CPNE4: variants seen among roughly 807,000 people sequenced by gnomAD.
CPNE4 encodes the protein copine 4, also known as copine-4.
A neutral mutation model predicts 67.9 loss-of-function variants in CPNE4; 25 were observed. The observed-to-expected ratio is 0.37, with a 90% CI of 0.27 to 0.51. The LOEUF (loss-of-function observed/expected upper bound fraction) is 0.51, where lower values mean the gene tolerates loss of function less well. Ranked by LOEUF, CPNE4 falls within the 20% of genes least tolerant of loss-of-function variation. The pLI is 0.93. For missense variants in CPNE4, 464 were observed against 690.8 expected (o/e 0.67, Z 3.68); for synonymous variants, 242 against 244.9 (o/e 0.99, Z 0.11).
At chr3:131,754,724 C>T (rs1394646821) in intron 2 of CPNE4, among the ~76,000 whole-genome samples, 1 of 152,138 alleles carries the variant, frequency 6.6e-6, no homozygotes, top group Non-Finnish European at 1.5e-5. Context: ...ATCAGGTGCT[C>T]CTGTGCCACG....
At chr3:131,664,804 A>C (rs79575261) in intron 7 of CPNE4, among the ~76,000 whole-genome samples, 6 of 152,156 alleles carry the variant, frequency 3.9e-5, no homozygotes, top group Admixed American at 3.9e-4. Flanking sequence ...ATAAACTCTA[A>C]TATGCTTTAG....
intron 2 of CPNE4, among the ~76,000 whole-genome samples, chr3:131,752,823 C>A (rs1272722952): frequency 1.3e-5 from 2 of 152,050 alleles, no homozygotes; most frequent in Non-Finnish European, 2.9e-5. Flanking sequence ...ATGACAATTT[C>A]TCCAAAACTA....
At chr3:131,561,919 G>C (rs1314837090) in intron 11 of CPNE4, among the ~76,000 whole-genome samples, 2 of 152,020 alleles carry the variant, frequency 1.3e-5, no homozygotes, top group East Asian at 3.9e-4. Context: ...CTTTTTAAAA[G>C]GAGCATTGGA....
Position 131,853,745 on chromosome 3 carries a change from A to G in CPNE4, c.180+51519T>C, listed in dbSNP as rs561935247. 1.8e-4 allele frequency among the ~76,000 whole-genome samples: 27 copies of G among 151,928 alleles called. 1 individual carries two copies. In the South Asian group the frequency reaches 5.4e-3, roughly 30 times the overall value. On this transcript the variant is annotated intron_variant, in intron 2 of 15. Transcript: ENST00000429747. ...AACTTATGGTTGAAGATGTGAACAG[A>G]TGCTTCATAAAAGAAGATGTATAGT...
At chr3:131,641,114 C>G (rs892708380) in intron 7 of CPNE4, among the ~76,000 whole-genome samples, 1 of 152,024 alleles carries the variant, frequency 6.6e-6, no homozygotes, top group Admixed American at 6.6e-5. Context: ...TATGCAAAGA[C>G]TTCATGACCA....
chr3:131,548,523 A>G lies in CPNE4; in HGVS notation c.1302+1424T>C, dbSNP rs531069701. 4.6e-5 allele frequency among the ~76,000 whole-genome samples: 7 copies of G among 152,136 alleles called. No individual in the cohort carries two copies. In the East Asian group the frequency reaches 9.7e-4, roughly 21 times the overall value. ...ATTTTAGATAAGGTAGCCAGGGGGA[A>G]CTTTCAGAGGGGTTGAGAGTTGAGA... is the stretch of plus-strand genomic sequence containing the variant. On this transcript the variant is annotated intron_variant, in intron 14 of 15. Coordinates refer to ENST00000429747, the MANE Select transcript of CPNE4 (RefSeq NM_130808.3).
At chr3:131,883,172 C>T (rs1473453079) in intron 2 of CPNE4, among the ~76,000 whole-genome samples, 2 of 152,150 alleles carry the variant, frequency 1.3e-5, no homozygotes, top group Non-Finnish European at 2.9e-5. Context: ...TGAAGTTACA[C>T]TGTACCAGTA....
intron 7 of CPNE4, among the ~76,000 whole-genome samples, chr3:131,630,005 G>A (rs2079179542): frequency 6.6e-6 from 1 of 151,998 alleles, no homozygotes; most frequent in Non-Finnish European, 1.5e-5. Flanking sequence ...GTGATGATAT[G>A]AGATGATAAA....
intron 1 of CPNE4, among the ~76,000 whole-genome samples, chr3:131,915,325 T>C (rs186003595): frequency 3.9e-5 from 6 of 152,352 alleles, no homozygotes; most frequent in African/African-American, 7.2e-5. Flanking sequence ...TGTATTGAGA[T>C]TGTGCTCTGG....
intron 2 of CPNE4, among the ~76,000 whole-genome samples, chr3:131,800,918 A>C (rs901062170): frequency 6.6e-6 from 1 of 152,172 alleles, no homozygotes; most frequent in African/African-American, 2.4e-5. Context: ...ATTGGGAACT[A>C]TTTTAGAGGT....
rs1171229264 is a variant in CPNE4, at chr3:131,547,487, AAAAAAAAAAAAAAAC to A, written c.1302+2445_1302+2459del. On this transcript the variant is annotated intron_variant, in intron 14 of 15. Coordinates refer to ENST00000429747, the MANE Select transcript of CPNE4 (RefSeq NM_130808.3). ...AAAAAAAAAAAAAAAAAAAAAAAAA[AAAAAAAAAAAAAAAC>A]CTAATAGTGTTCATGGCTTCTGAAA... Among the ~76,000 whole-genome samples the A allele has an allele frequency of 5.5e-3, 699 of 128,150 alleles. 44 individuals carry two copies. The highest frequency in any genetic ancestry group is 7.4e-3 in the Non-Finnish European group (445 of 59,760). 84.1% of individuals were successfully genotyped at this position (128,150 alleles called of 152,430 possible).
chr3:131,785,519 A>AT (rs1447238156), intron 2 of CPNE4, among the ~76,000 whole-genome samples: 3 of 150,832 alleles, frequency 2.0e-5, no homozygotes, highest in South Asian at 2.1e-4. Context: ...ATTCTTTCTT[A>AT]TTTTTTTTCT....
At chr3:131,758,306 A>G (rs528469337) in intron 2 of CPNE4, among the ~76,000 whole-genome samples, 6 of 152,318 alleles carry the variant, frequency 3.9e-5, no homozygotes, top group Admixed American at 3.3e-4. Flanking sequence ...TCTTGCATCA[A>G]CATGACCTGG....
chr3:131,722,365 T>G (rs1452695449), intron 3 of CPNE4, among the ~76,000 whole-genome samples: 1 of 152,208 alleles, frequency 6.6e-6, no homozygotes, highest in Non-Finnish European at 1.5e-5. Context: ...AGAGGGGATC[T>G]GATGTTAAAG....
intron 2 of CPNE4, among the ~76,000 whole-genome samples, chr3:131,885,040 G>C (rs980452470): frequency 9.2e-5 from 14 of 152,216 alleles, no homozygotes; most frequent in Non-Finnish European, 4.4e-5. Context: ...CTGGGTAACA[G>C]GCAGAGGTTG....
Position 131,771,544 on chromosome 3 carries a change from C to T in CPNE4, c.181-47919G>A, listed in dbSNP as rs563886064. ...CCCTCTCCCCTCTTGCTTCTTCTCT[C>T]GCCATATGATTTGCACACACCCAGT... On this transcript the variant is annotated intron_variant, in intron 2 of 15. Coordinates refer to ENST00000429747, the MANE Select transcript of CPNE4 (RefSeq NM_130808.3). 5.1e-4 allele frequency among the ~76,000 whole-genome samples: 77 copies of T among 152,194 alleles called. No individual in the cohort carries two copies. In the South Asian group the frequency reaches 0.012, roughly 24 times the overall value.
At chr3:131,838,302 A>G (rs1243337876) in intron 2 of CPNE4, among the ~76,000 whole-genome samples, 1 of 151,986 alleles carries the variant, frequency 6.6e-6, no homozygotes, top group East Asian at 1.9e-4. Flanking sequence ...ATTAGAAAAA[A>G]TACAAAGAAC....
chr3:131,993,882 C>T (rs2073231360), intron 1 of CPNE4, among the ~76,000 whole-genome samples: 1 of 135,762 alleles, frequency 7.4e-6, no homozygotes, highest in Admixed American at 8.3e-5. Flanking sequence ...AGAAACAATG[C>T]TGTCTCTGTC....
chr3:131,987,940 T>C (rs942438722), intron 1 of CPNE4, among the ~76,000 whole-genome samples: 4 of 152,158 alleles, frequency 2.6e-5, no homozygotes, highest in Non-Finnish European at 4.4e-5. Flanking sequence ...CTGTTGAATA[T>C]TAGGTCCATG....
Sources: allele counts gnomAD v4.1 joint callset (sites outside exome capture counted in the v4.1 genomes callset), GRCh38; gene constraint gnomAD v4.1.1; transcripts MANE v1.5; gene names NCBI Gene and HGNC (gene_info 2026-07-23, HGNC 2026-07-21).